CHN1: variants seen among roughly 807,000 people sequenced by gnomAD.
CHN1 encodes N-chimaerin.
A neutral mutation model predicts 59.5 loss-of-function variants in CHN1; 37 were observed. The observed-to-expected ratio is 0.62, with a 90% CI of 0.48 to 0.82. The LOEUF is 0.82. CHN1 is among the 40% of genes least tolerant of loss of function. The pLI is 0.00. For synonymous variants in CHN1, 206 were observed against 200.4 expected, an observed-to-expected ratio of 1.03 and a Z score of -0.24; for missense variants, 469 against 571.0, an observed-to-expected ratio of 0.82 and a Z score of 1.82.
chr2:174,956,377 A>C (rs1403639407), intron 1 of CHN1, among the ~76,000 whole-genome samples: 3 of 152,340 alleles, frequency 2.0e-5, no homozygotes, highest in East Asian at 1.9e-4. Flanking sequence ...AAAGGATGTA[A>C]GTCAGAAACT....
At chr2:174,907,559 C>T (rs1362004227) in intron 5 of CHN1, among the ~76,000 whole-genome samples, 1 of 151,190 alleles carries the variant, frequency 6.6e-6, no homozygotes, top group African/African-American at 2.4e-5. Context: ...TTGTTTTGAC[C>T]CAACATTGCA....
chr2:174,852,535 T>C (rs552946039), intron 6 of CHN1, among the ~76,000 whole-genome samples: 2 of 152,172 alleles, frequency 1.3e-5, no homozygotes, highest in Non-Finnish European at 2.9e-5. Flanking sequence ...ACACTATTCC[T>C]GTCAGATTAC....
chr2:174,929,115 T>C (rs1439553333), intron 3 of CHN1, among the ~76,000 whole-genome samples: 1 of 152,230 alleles, frequency 6.6e-6, no homozygotes, highest in Non-Finnish European at 1.5e-5. Flanking sequence ...GCATTCTAGT[T>C]ACCAGTACTA....
intron 6 of CHN1, among the ~76,000 whole-genome samples, chr2:174,863,685 G>C (rs188124387): frequency 7.9e-5 from 12 of 152,172 alleles, no homozygotes; most frequent in Admixed American, 6.5e-5. Flanking sequence ...ACTCCAAAAA[G>C]CTTCAGAACC....
At chr2:174,985,912 T>A (rs544633023) in intron 1 of CHN1, among the ~76,000 whole-genome samples, 1 of 152,322 alleles carries the variant, frequency 6.6e-6, no homozygotes, top group East Asian at 1.9e-4. Context: ...GGAAAATGTT[T>A]TCACTCTATT....
intron 1 of CHN1, among the ~76,000 whole-genome samples, chr2:174,986,530 A>G (rs1691346960): frequency 6.6e-6 from 1 of 152,214 alleles, no homozygotes; most frequent in Non-Finnish European, 1.5e-5. Flanking sequence ...TTTAGACTTT[A>G]GAAATACAGC....
At chr2:174,820,565 G>T (rs912684870) in intron 8 of CHN1, among the ~76,000 whole-genome samples, 2 of 152,170 alleles carry the variant, frequency 1.3e-5, no homozygotes, top group Non-Finnish European at 2.9e-5. Context: ...CTAGAGGAAG[G>T]GTGACTTTGG....
chr2:174,866,443 C>G (rs1037559652), intron 6 of CHN1, among the ~76,000 whole-genome samples: 5 of 151,862 alleles, frequency 3.3e-5, no homozygotes, highest in African/African-American at 1.2e-4. Context: ...AAAAATAAAA[C>G]ACAGAAAAAA....
At chr2:174,945,150 C>A in intron 2 of CHN1, 1 of 543,102 alleles carries the variant, frequency 1.8e-6, no homozygotes. Context: ...AAATCATAAT[C>A]CAAACAAGTG....
At chr2:174,831,842 A>G (rs1475547680) in intron 7 of CHN1, among the ~76,000 whole-genome samples, 1 of 152,162 alleles carries the variant, frequency 6.6e-6, no homozygotes, top group Non-Finnish European at 1.5e-5. Flanking sequence ...AATATTAGTA[A>G]AAATCAACAC....
chr2:174,949,596 C>T (rs1465521157), intron 2 of CHN1, among the ~76,000 whole-genome samples: 2 of 152,108 alleles, frequency 1.3e-5, no homozygotes, highest in African/African-American at 4.8e-5. Context: ...AACTCCTGGG[C>T]TCAAGTGATC....
intron 10 of CHN1, chr2:174,811,127 C>G (rs10166853): frequency 0.077 from 11,870 of 154,526 alleles, 1,558 homozygotes; most frequent in African/African-American, 0.27. Flanking sequence ...AGGATGCCAG[C>G]GGGGCATGGA....
rs759311817 is a variant in CHN1, at chr2:174,956,257, A to T, written c.20-4055T>A. Among the ~76,000 whole-genome samples the T allele has an allele frequency of 7.2e-5, 11 of 152,322 alleles. No homozygotes were observed. The South Asian group carries it at 1.9e-3, about 26-fold the overall frequency. ...TATATCCACTAGAATTATCCTTCAA[A>T]TCAGAAGGAAAGATAAAGACTTTCT... On this transcript the variant is annotated intron_variant, in intron 1 of 12. Transcript: ENST00000409900.
rs1008600506 is a variant in CHN1, at chr2:174,799,368, T to C, written c.*748A>G. The C allele has an allele frequency of 4.9e-6, 2 of 406,314 alleles. No homozygotes were observed. The highest frequency in any genetic ancestry group is 4.2e-5 in the African/African-American group (2 of 47,492). The allele number at this position is 406,314 out of a possible 1,614,324, so 25.2% of individuals were successfully genotyped here. ...GCCAAACACATTTTCCCGAATATTC[T>C]TATGAGAAAAAAGTAAGCTATCAAT... On this transcript the variant is annotated 3_prime_UTR_variant, in exon 13 of 13. Transcript: ENST00000409900.
chr2:174,869,939 C>G (rs1687352608), intron 6 of CHN1, among the ~76,000 whole-genome samples: 1 of 152,108 alleles, frequency 6.6e-6, no homozygotes, highest in Admixed American at 6.5e-5. Flanking sequence ...ATAAAAGCCC[C>G]TGTTTTTGGA....
At chr2:174,940,335 T>C (rs1335844406) in intron 3 of CHN1, among the ~76,000 whole-genome samples, 6 of 152,176 alleles carry the variant, frequency 3.9e-5, no homozygotes, top group Non-Finnish European at 8.8e-5. Flanking sequence ...CCGAGAGTAA[T>C]TATTTTTCAA....
rs1457230788 is a variant in CHN1 at position 174,824,501 on chromosome 2, C to T, written c.645G>A (p.Gly215=). The change falls in exon 8 of 13, where the codon GGG becomes GGA. Residue 215 remains glycine, a synonymous_variant. Transcript: ENST00000409900. The part of the protein sequence containing the change: ...IHNFKVHTFR[G]PHWCEYCANF... ...TGGCACAGTATTCACACCAGTGTGG[C>T]CCTCTGAATGTATGCACCTGAAAAA... 3 of 1,601,652 alleles carry T rather than the reference C, an allele frequency of 1.9e-6. No homozygotes were observed. In the South Asian group the frequency reaches 3.4e-5, roughly 18 times the overall value.
At chr2:174,948,710 T>G (rs953865165) in intron 2 of CHN1, among the ~76,000 whole-genome samples, 21 of 152,340 alleles carry the variant, frequency 1.4e-4, no homozygotes, top group African/African-American at 4.8e-4. Context: ...TCATCTTGTT[T>G]ACTTTTATAG....
At chr2:175,003,910 T>C (rs1412827179) in intron 1 of CHN1, among the ~76,000 whole-genome samples, 4 of 152,242 alleles carry the variant, frequency 2.6e-5, no homozygotes, top group African/African-American at 7.2e-5. Flanking sequence ...CACTGGGAAG[T>C]ATTTACCTCA....
Sources: allele counts gnomAD v4.1 joint callset (sites outside exome capture counted in the v4.1 genomes callset), GRCh38; gene constraint gnomAD v4.1.1; transcripts MANE v1.5; gene names NCBI Gene and HGNC (gene_info 2026-07-23, HGNC 2026-07-21).